The following BCR variants were observed in gnomAD, a reference collection of about 807,000 sequenced individuals.
BCR encodes BCR activator of RhoGEF and GTPase.
In BCR, 58 loss-of-function variants were observed where a neutral mutation model predicts 138.6. The observed-to-expected ratio is 0.42, with a 90% CI of 0.34 to 0.52. The LOEUF is 0.52. Among genes scored for constraint, BCR ranks in the 20% least tolerant of loss-of-function variants. The pLI is 0.06. For synonymous variants in BCR, 786 were observed against 730.1 expected, an observed-to-expected ratio of 1.08 and a Z score of -1.23; for missense variants, 1,599 against 1,727.2, an observed-to-expected ratio of 0.93 and a Z score of 1.32.
intron 8 of BCR, among the ~76,000 whole-genome samples, chr22:23,281,407 A>G (rs959888802): frequency 6.6e-6 from 1 of 152,186 alleles, no homozygotes; most frequent in Non-Finnish European, 1.5e-5. Flanking sequence ...CGGGTGGGCT[A>G]TGCAGGAAGC....
At chr22:23,239,880 G>A (rs114358078) in intron 1 of BCR, among the ~76,000 whole-genome samples, 2,141 of 151,958 alleles carry the variant, frequency 0.014, 56 homozygotes, top group African/African-American at 0.05. Context: ...GTGCAGTGGC[G>A]CAGTCATAGC....
intron 16 of BCR, among the ~76,000 whole-genome samples, chr22:23,300,820 A>C (rs564068215): frequency 9.2e-5 from 14 of 152,302 alleles, no homozygotes; most frequent in African/African-American, 3.4e-4. Flanking sequence ...TCACAGTCCA[A>C]ATCTCATCCC....
intron 1 of BCR, among the ~76,000 whole-genome samples, chr22:23,192,043 GT>G: frequency 6.6e-6 from 1 of 152,296 alleles, no homozygotes; most frequent in Non-Finnish European, 1.5e-5. Context: ...ATGGTGGCTG[GT>G]GCCCATGGGC....
chr22:23,233,813 GAAAA>G (rs59148522), intron 1 of BCR, among the ~76,000 whole-genome samples: 2 of 142,800 alleles, frequency 1.4e-5, no homozygotes, highest in Non-Finnish European at 3.0e-5. Flanking sequence ...AGAAAAAAAA[GAAAA>G]AAAAAAAGAA....
intron 4 of BCR, among the ~76,000 whole-genome samples, chr22:23,265,497 C>G (rs978236945): frequency 2.0e-5 from 3 of 152,230 alleles, no homozygotes; most frequent in African/African-American, 7.2e-5. Flanking sequence ...CCCAGGAACT[C>G]GTGATCCACG....
At chr22:23,290,476 C>G in intron 14 of BCR, 63 bp downstream of exon 14, 1 of 1,532,094 alleles carries the variant, frequency 6.5e-7, no homozygotes, top group South Asian at 1.1e-5. Context: ...CCAGGAAGGA[C>G]TCATCGGGCA....
At chr22:23,228,692 CCTCTA>C (rs1217313140) in intron 1 of BCR, among the ~76,000 whole-genome samples, 3 of 152,246 alleles carry the variant, frequency 2.0e-5, no homozygotes, top group Admixed American at 1.3e-4. Flanking sequence ...CCTCTTCTGG[CCTCTA>C]TAGTTTCTGA....
At chr22:23,215,152 A>G (rs945791161) in intron 1 of BCR, among the ~76,000 whole-genome samples, 11 of 152,316 alleles carry the variant, frequency 7.2e-5, no homozygotes, top group Middle Eastern at 3.4e-3. Flanking sequence ...TTGCCTTGGC[A>G]TGTATTAGAA....
At chr22:23,275,090 A>C (rs2073560462) in intron 8 of BCR, among the ~76,000 whole-genome samples, 1 of 152,090 alleles carries the variant, frequency 6.6e-6, no homozygotes, top group Non-Finnish European at 1.5e-5. Context: ...GGCAGCTGTC[A>C]GCCCCATCTG....
At chr22:23,297,367 C>T (rs2073858599) in intron 16 of BCR, among the ~76,000 whole-genome samples, 1 of 152,046 alleles carries the variant, frequency 6.6e-6, no homozygotes, top group African/African-American at 2.4e-5. Context: ...AGGCCTGAGC[C>T]ACTGTGCCTG....
chr22:23,243,938 G>A (rs948557654), intron 1 of BCR, among the ~76,000 whole-genome samples: 2 of 152,052 alleles, frequency 1.3e-5, no homozygotes, highest in Non-Finnish European at 1.5e-5. Context: ...CACCGTGCCC[G>A]GCTCTAGCAA....
chr22:23,260,032 A>G (rs1377855049), intron 2 of BCR, among the ~76,000 whole-genome samples: 2 of 152,210 alleles, frequency 1.3e-5, no homozygotes, highest in African/African-American at 4.8e-5. Context: ...TTTTGGCTTC[A>G]GTTTACCTTA....
chr22:23,311,733 G>A lies in BCR; in HGVS notation c.3219G>A (p.Gln1073=). The A allele has an allele frequency of 6.2e-7, 1 of 1,611,372 alleles. No individual in the cohort carries two copies. The highest frequency in any genetic ancestry group is 1.1e-5 in the South Asian group (1 of 90,968). The change falls in exon 19 of 23, where the codon CAG becomes CAA. Residue 1073 remains glutamine (Q), a synonymous_variant. Transcript: ENST00000305877. ...ERSKVPYIVR[Q]CVEEIERRGM... ...CCAAGGTGCCCTACATCGTGCGCCA[G>A]TGCGTGGAGGAGATCGAGCGCCGAG...
chr22:23,289,501 T>G lies in BCR; in HGVS notation c.2603-16T>G, dbSNP rs1222566013. The G allele has an allele frequency of 6.2e-7, 1 of 1,609,144 alleles. No individual in the cohort carries two copies. On this transcript the variant is annotated splice_polypyrimidine_tract_variant and intron_variant, in intron 12 of 22. Coordinates refer to ENST00000305877, the MANE Select transcript of BCR (RefSeq NM_004327.4). Reference sequence around the variant, plus strand: ...GCAGATTGACCAATTGGTGCACCTCTTTTCCAACCTCCCAGGTTTCAGAAG... The same window carrying G: ...GCAGATTGACCAATTGGTGCACCTCGTTTCCAACCTCCCAGGTTTCAGAAG...
intron 13 of BCR, 174 bp downstream of exon 13, chr22:23,289,795 G>A (rs1463832959): frequency 3.2e-6 from 2 of 624,676 alleles, no homozygotes; most frequent in Non-Finnish European, 5.7e-6. Context: ...GACAAGGTGG[G>A]TTAGGAGCAG....
At chr22:23,216,194 G>A (rs1373531628) in intron 1 of BCR, among the ~76,000 whole-genome samples, 4 of 152,140 alleles carry the variant, frequency 2.6e-5, no homozygotes, top group African/African-American at 9.7e-5. Flanking sequence ...ATGAATGTCT[G>A]TGTTTCTGCA....
At chr22:23,256,609 C>T (rs970069754) in intron 2 of BCR, among the ~76,000 whole-genome samples, 4 of 152,262 alleles carry the variant, frequency 2.6e-5, no homozygotes, top group Middle Eastern at 3.4e-3. Context: ...GCTGTGCTAG[C>T]TACACACTCC....
At chr22:23,280,118 A>G (rs1043671224) in intron 8 of BCR, among the ~76,000 whole-genome samples, 1 of 152,202 alleles carries the variant, frequency 6.6e-6, no homozygotes, top group African/African-American at 2.4e-5. Context: ...ATACCAGCCC[A>G]TTGGAGTTAG....
chr22:23,183,489 C>A (rs1194888917), intron 1 of BCR, among the ~76,000 whole-genome samples: 1 of 152,216 alleles, frequency 6.6e-6, no homozygotes, highest in Non-Finnish European at 1.5e-5. Flanking sequence ...GCTGGGGTTT[C>A]CTGTGGTGCA....
Sources: gnomAD v4.1 joint callset for allele counts (sites outside exome capture counted in the v4.1 genomes callset) on GRCh38, gnomAD v4.1.1 for gene constraint, MANE v1.5 for transcripts, NCBI Gene and HGNC (gene_info 2026-07-23, HGNC 2026-07-21) for gene names.